REV3L: variants seen among roughly 807,000 people sequenced by gnomAD.
REV3L encodes the protein DNA polymerase zeta catalytic subunit.
A neutral mutation model predicts 299.4 loss-of-function variants in REV3L; 69 were observed. The ratio of observed to expected loss-of-function variants is 0.23; its 90% confidence interval spans 0.19 to 0.28. The LOEUF (loss-of-function observed/expected upper bound fraction) is 0.28. REV3L is among the 10% of genes least tolerant of loss of function. The pLI, the probability that REV3L is intolerant of heterozygous loss-of-function variation, is 1.00. For missense variants in REV3L, 3,128 were observed against 3,693.8 expected (o/e 0.85, Z 3.97); for synonymous variants, 1,238 against 1,271.4 (o/e 0.97, Z 0.56).
In REV3L at chr6:111,374,434, A is replaced by G; in HGVS notation, c.3921T>C (p.Asp1307=). 6.2e-7 allele frequency: 1 copy of G among 1,613,982 alleles called. No individual in the cohort carries two copies. Among genetic ancestry groups the G allele is most frequent in the Non-Finnish European group, 8.5e-7 (1 of 1,179,932 alleles). The change falls in exon 13 of 32, where the codon GAT becomes GAC. Residue 1307 remains aspartate, a synonymous_variant. Transcript: ENST00000368802. ...CTCGTGAACTGGGGAATGTCTGCAA[A>G]TCTACAGACTTCTTGCTTTCTAAGA... The part of the protein sequence containing the change: ...SSFLESKKSV[D]LQTFPSSRDD...
intron 9 of REV3L, among the ~76,000 whole-genome samples, chr6:111,385,844 A>G (rs1011214291): frequency 6.6e-6 from 1 of 152,220 alleles, no homozygotes; most frequent in East Asian, 1.9e-4. Context: ...AATGGCCTTT[A>G]AAGATGCTCA....
chr6:111,431,639 A>G (rs1786939173), intron 1 of REV3L: 3 of 806,440 alleles, frequency 3.7e-6, no homozygotes, highest in Non-Finnish European at 6.5e-6. Flanking sequence ...ACTACAGGTG[A>G]TATCATAAGC....
At chr6:111,468,913 A>G (rs1219223766) in intron 1 of REV3L, among the ~76,000 whole-genome samples, 9 of 152,130 alleles carry the variant, frequency 5.9e-5, no homozygotes, top group Non-Finnish European at 1.3e-4. Flanking sequence ...TAATCTCAGC[A>G]CTTTGGGAGG....
intron 1 of REV3L, among the ~76,000 whole-genome samples, chr6:111,465,168 C>T (rs1490974817): frequency 6.8e-6 from 1 of 146,772 alleles, no homozygotes; most frequent in African/African-American, 2.5e-5. Context: ...GCAACCTCTG[C>T]CTCCCGGGTT....
rs1349863745 is a variant in REV3L, at chr6:111,422,637, T to C, written c.140-6165A>G. ...ACACATATATATATATATACACATATATATATATATACATATATATATATA... is the reference window on the plus strand; with the variant it reads ...ACACATATATATATATATACACATACATATATATATACATATATATATATA... On this transcript the variant is annotated intron_variant, in intron 1 of 31. Transcript: ENST00000368802. Among the ~76,000 whole-genome samples the C allele has an allele frequency of 1.7e-4, 5 of 30,238 alleles. 1 individual carries two copies. Among genetic ancestry groups the C allele is most frequent in the South Asian group, 1.4e-3 (1 of 726 alleles). The allele number at this position is 30,238 out of a possible 152,430, so 19.8% of individuals were successfully genotyped here.
chr6:111,449,782 C>CCAGAAA (rs1789286955), intron 1 of REV3L, among the ~76,000 whole-genome samples: 1 of 151,740 alleles, frequency 6.6e-6, no homozygotes, highest in Admixed American at 6.6e-5. Context: ...ATCCAGAACA[C>CCAGAAA]AAGGTAAAAT....
At chr6:111,324,393 CATGTT>C (rs1317647678) in intron 25 of REV3L, among the ~76,000 whole-genome samples, 2 of 152,180 alleles carry the variant, frequency 1.3e-5, no homozygotes, top group South Asian at 4.1e-4. Context: ...TTACAAAAAT[CATGTT>C]ATCTAATGGA....
chr6:111,415,447 G>A (rs974805759), intron 2 of REV3L, among the ~76,000 whole-genome samples: 1 of 152,166 alleles, frequency 6.6e-6, no homozygotes. Flanking sequence ...GACTGGAATT[G>A]AGTGTATAGT....
chr6:111,363,762 C>G (rs1369386254), intron 16 of REV3L, 91 bp downstream of exon 16: 4 of 1,257,430 alleles, frequency 3.2e-6, no homozygotes. Context: ...ATATACTCCT[C>G]CCTTGTTAAA....
chr6:111,376,527 G>C lies in REV3L; in HGVS notation c.1828C>G (p.Leu610Val). 1 of 1,612,352 alleles carries C rather than the reference G, an allele frequency of 6.2e-7. No homozygotes were observed. Among genetic ancestry groups the C allele is most frequent in the South Asian group, 1.1e-5 (1 of 90,606 alleles). Residue 610 changes from leucine (L) to valine (V), a missense_variant, in exon 13 of 32, where the codon CTA (leucine) becomes GTA (valine). By Grantham distance (32) the Leu-to-Val change is conservative. This residue lies in a region of REV3L where 2,409 missense variants were observed against 2,611.8 expected (regional missense o/e 0.92). Coordinates refer to ENST00000368802, the MANE Select transcript of REV3L (RefSeq NM_001372078.1). ...SQTNKNTEKG[L>V]DNSVTSFTNE... ...GTAAAAGAAGTGACTGAGTTATCTAGACCTTTTTCTGTATTTTTGTTTGTC... is the reference window on the plus strand; with the variant it reads ...GTAAAAGAAGTGACTGAGTTATCTACACCTTTTTCTGTATTTTTGTTTGTC...
chr6:111,467,807 C>T (rs1791689240), intron 1 of REV3L, among the ~76,000 whole-genome samples: 2 of 152,078 alleles, frequency 1.3e-5, no homozygotes, highest in South Asian at 2.1e-4. Flanking sequence ...ATTCCTGCAA[C>T]GAATCCCTCA....
chr6:111,401,838 T>C (rs1783111075), intron 4 of REV3L, among the ~76,000 whole-genome samples: 1 of 152,124 alleles, frequency 6.6e-6, no homozygotes. Flanking sequence ...AGGCCAGGCA[T>C]GGTGGCTCAT....
At chr6:111,360,470 CTTTTT>C (rs71021836) in intron 16 of REV3L, among the ~76,000 whole-genome samples, 2 of 129,548 alleles carry the variant, frequency 1.5e-5, no homozygotes, top group African/African-American at 6.3e-5. Flanking sequence ...GTTAAATAAT[CTTTTT>C]TTTTTTTTTT....
intron 13 of REV3L, among the ~76,000 whole-genome samples, chr6:111,370,020 A>G (rs1779635305): frequency 6.6e-6 from 1 of 152,006 alleles, no homozygotes; most frequent in Non-Finnish European, 1.5e-5. Flanking sequence ...TTTAGTAGAG[A>G]TGGGGTTTCA....
chr6:111,390,395 C>G (rs556006272), intron 5 of REV3L, among the ~76,000 whole-genome samples: 1 of 152,084 alleles, frequency 6.6e-6, no homozygotes, highest in Admixed American at 6.5e-5. Context: ...TACCCTAGAT[C>G]CTTTTGAAGT....
At chr6:111,369,095 T>G (rs1779515371) in intron 13 of REV3L, among the ~76,000 whole-genome samples, 1 of 152,022 alleles carries the variant, frequency 6.6e-6, no homozygotes, top group African/African-American at 2.4e-5. Context: ...TGAATACACA[T>G]ACCAAGTGAC....
intron 24 of REV3L, chr6:111,330,285 T>A (rs1562131590): frequency 2.2e-6 from 1 of 454,758 alleles, no homozygotes; most frequent in African/African-American, 2.0e-5. Context: ...CACTAAGCCA[T>A]CCCCTCCGGC....
intron 3 of REV3L, among the ~76,000 whole-genome samples, chr6:111,408,972 AC>A (rs1783948930): frequency 6.6e-6 from 1 of 152,232 alleles, no homozygotes; most frequent in South Asian, 2.1e-4. Context: ...AGTGTGAGCC[AC>A]CGTGCCCCAC....
intron 1 of REV3L, among the ~76,000 whole-genome samples, chr6:111,417,106 A>G (rs1784855655): frequency 6.6e-6 from 1 of 152,188 alleles, no homozygotes; most frequent in Admixed American, 6.5e-5. Flanking sequence ...ATTTGGTGGT[A>G]TGGAACAAGG....
Sources: allele counts gnomAD v4.1 joint callset (sites outside exome capture counted in the v4.1 genomes callset), GRCh38; gene constraint gnomAD v4.1.1; regional missense constraint gnomAD v4.1.1; transcripts MANE v1.5; gene names NCBI Gene and HGNC (gene_info 2026-07-23, HGNC 2026-07-21).